Variants in FNIP2 observed in about 807,000 individuals in gnomAD.
FNIP2 encodes folliculin-interacting protein 2.
In FNIP2, 32 loss-of-function variants were observed where a neutral mutation model predicts 108.7. The ratio of observed to expected loss-of-function variants is 0.29; its 90% confidence interval spans 0.22 to 0.40. The LOEUF is 0.40. FNIP2 is among the 10% of genes least tolerant of loss of function. The pLI, the probability that FNIP2 is intolerant of heterozygous loss-of-function variation, is 1.00. For synonymous variants in FNIP2, 480 were observed against 496.7 expected (o/e 0.97, Z 0.45); for missense variants, 1,202 against 1,381.6 (o/e 0.87, Z 2.06).
rs150791838 is a variant in FNIP2, at chr4:158,789,239, C to T, written c.107+19920C>T. On this transcript the variant is annotated intron_variant, in intron 1 of 16. Transcript: ENST00000264433. ...TAGTGAAACACAAAGATCACCTGAT[C>T]CCAAGCTACTTTCACAGCTGAGCTC... Among the ~76,000 whole-genome samples, 188 of 152,274 alleles carry T rather than the reference C, an allele frequency of 1.2e-3. 1 individual carries two copies. The Middle Eastern group carries it at 0.027, about 22-fold the overall frequency.
chr4:158,858,976 T>C, intron 8 of FNIP2, 81 bp from the exon 9 acceptor site: 1 of 1,094,082 alleles, frequency 9.1e-7, no homozygotes, highest in Non-Finnish European at 1.4e-6. Flanking sequence ...ATGTTCTGGG[T>C]GTCATCCCCA....
intron 7 of FNIP2, among the ~76,000 whole-genome samples, chr4:158,850,393 C>G (rs148755910): frequency 1.3e-5 from 2 of 151,950 alleles, no homozygotes; most frequent in South Asian, 2.1e-4. Flanking sequence ...AGATGTTCAT[C>G]AAGCAGCTTG....
chr4:158,868,147 C>T lies in FNIP2; in HGVS notation c.1511C>T (p.Thr504Ile). Reference sequence around the variant, plus strand: ...GGCTCTCCAGTGAGACTGACTCGCACCGTAGTGGTAGGGAAGCAGAAGGAC... The same window carrying T: ...GGCTCTCCAGTGAGACTGACTCGCATCGTAGTGGTAGGGAAGCAGAAGGAC... ...AIGSPVRLTR[T>I]VVVGKQKDLV... is the part of the protein sequence containing the mutation. The change falls in exon 13 of 17, where the codon ACC becomes ATC. Residue 504 changes from threonine (T) to isoleucine (I), a missense_variant. Coordinates refer to ENST00000264433, the MANE Select transcript of FNIP2 (RefSeq NM_020840.3). This position sits in a 1 kb window ranked among gnomAD's most constrained non-coding sequence, Gnocchi z 4.6. The T allele has an allele frequency of 6.2e-7, 1 of 1,614,032 alleles. No individual in the cohort carries two copies. The highest frequency in any genetic ancestry group is 8.5e-7 in the Non-Finnish European group (1 of 1,179,892).
At chr4:158,815,700 T>C (rs1777530656) in intron 1 of FNIP2, among the ~76,000 whole-genome samples, 1 of 152,204 alleles carries the variant, frequency 6.6e-6, no homozygotes, top group Non-Finnish European at 1.5e-5. Context: ...TCAACTAGTA[T>C]TACCAATTCA....
At chr4:158,876,944 G>A (rs977403819) in intron 14 of FNIP2, among the ~76,000 whole-genome samples, 6 of 152,206 alleles carry the variant, frequency 3.9e-5, no homozygotes, top group African/African-American at 1.4e-4. Context: ...TGGGCTTCAT[G>A]TCTCTTGCAT....
At chr4:158,812,587 AT>A (rs1355626369) in intron 1 of FNIP2, among the ~76,000 whole-genome samples, 1 of 152,070 alleles carries the variant, frequency 6.6e-6, no homozygotes, top group African/African-American at 2.4e-5. Context: ...AATTAAAAGA[AT>A]TTTTTCCTTC....
At chr4:158,833,428 C>A (rs1778587756) in intron 5 of FNIP2, 100 bp from the exon 6 acceptor site, 1 of 678,166 alleles carries the variant, frequency 1.5e-6, no homozygotes, top group Non-Finnish European at 2.6e-6. Flanking sequence ...AGTGACTGAT[C>A]AGTCGTTGTC....
At chr4:158,900,963 T>C (rs11945927) in intron 16 of FNIP2, among the ~76,000 whole-genome samples, 2,726 of 152,296 alleles carry the variant, frequency 0.018, 80 homozygotes, top group African/African-American at 0.061. Context: ...GTTTTTGCAG[T>C]GGCTGGTACC....
rs189173487 is a variant in FNIP2 at position 158,887,031 on chromosome 4, G to A, written c.2950-4415G>A. On this transcript the variant is annotated intron_variant, in intron 14 of 16. Transcript: ENST00000264433. ...ATCTCCCTTTTCCTTAAGGTGTATGGGAGGCCAAAGTGAGGCTCACCATGG... is the reference window on the plus strand; with the variant it reads ...ATCTCCCTTTTCCTTAAGGTGTATGAGAGGCCAAAGTGAGGCTCACCATGG... Among the ~76,000 whole-genome samples the A allele has an allele frequency of 3.4e-3, 517 of 152,222 alleles. 2 individuals carry two copies. The highest frequency in any genetic ancestry group is 6.0e-3 in the Non-Finnish European group (411 of 68,012).
At position 158,859,123 on chromosome 4, in the gene FNIP2, G is replaced by A. The variant is rs1780146939; in HGVS notation, c.924G>A (p.Arg308=). The change falls in exon 9 of 17, where the codon AGG becomes AGA. Residue 308 remains arginine, a synonymous_variant. Coordinates refer to ENST00000264433, the MANE Select transcript of FNIP2 (RefSeq NM_020840.3). ...TCSSNPAMVR[R]KKIAISIIFS... ...GCTCTAATCCAGCTATGGTTAGGAG[G>A]AAGAAAATTGCCATAAGCATCATCT... 7 of 1,613,998 alleles carry A rather than the reference G, an allele frequency of 4.3e-6. No homozygotes were observed. Among genetic ancestry groups the A allele is most frequent in the Non-Finnish European group, 5.9e-6 (7 of 1,179,878 alleles).
chr4:158,800,626 G>A (rs1031346042), intron 1 of FNIP2, among the ~76,000 whole-genome samples: 2 of 152,048 alleles, frequency 1.3e-5, no homozygotes, highest in African/African-American at 4.8e-5. Context: ...TAGAAAATTC[G>A]AAAATATAAA....
intron 14 of FNIP2, chr4:158,871,717 C>T (rs1475041365): frequency 2.0e-6 from 2 of 985,290 alleles, no homozygotes; most frequent in African/African-American, 3.5e-5. Flanking sequence ...TGGGATGAAA[C>T]TATGAAGTTG....
Position 158,907,066 on chromosome 4 carries a change from C to CA in FNIP2, c.*2524dup, listed in dbSNP as rs1729905614. On this transcript the variant is annotated 3_prime_UTR_variant, in exon 17 of 17. Transcript: ENST00000264433. ...TAACTTTTGTAGCATCTTGCTTTTC[C>CA]AAGCAAGCTAGTGAGGCATGACAGA... 6.6e-6 allele frequency: 1 copy of CA among 152,116 alleles called. No individual in the cohort carries two copies. Among genetic ancestry groups the CA allele is most frequent in the Non-Finnish European group, 1.5e-5 (1 of 68,030 alleles). The allele number at this position is 152,116 out of a possible 1,614,324, so 9.4% of individuals were successfully genotyped here. A position where few individuals can be genotyped will look rare whatever the true frequency, so the allele number is the denominator to read the frequency against.
rs1780696385 is a variant in FNIP2, at chr4:158,868,213, G to A, written c.1577G>A (p.Arg526His). 3.1e-6 allele frequency: 5 copies of A among 1,614,040 alleles called. No individual in the cohort carries two copies. The highest frequency in any genetic ancestry group is 1.1e-5 in the South Asian group (1 of 91,086). The change falls in exon 13 of 17, where the codon CGT (arginine) becomes CAT (histidine). Residue 526 changes from arginine to histidine, a missense_variant. This residue lies in a region of FNIP2 where 878 missense variants were observed against 990.3 expected (regional missense o/e 0.89). Coordinates refer to ENST00000264433, the MANE Select transcript of FNIP2 (RefSeq NM_020840.3). This position sits in a 1 kb window ranked among gnomAD's most constrained non-coding sequence, Gnocchi z 4.6. ...CTTTATGTCCTGACCTACTTTCTCC[G>A]TTGCTCTGAGCTACAAGAGAACCAG... ...RILYVLTYFL[R>H]CSELQENQLT...
At chr4:158,811,884 AACAAGCCACGCGGGTGTTTG>A (rs1777293401) in intron 1 of FNIP2, among the ~76,000 whole-genome samples, 1 of 152,246 alleles carries the variant, frequency 6.6e-6, no homozygotes, top group South Asian at 2.1e-4. Context: ...CATGTGAGCG[AACAAGCCACGCGGGTGTTTG>A]AGGAAGTACA....
At chr4:158,803,082 G>T (rs745358135) in intron 1 of FNIP2, among the ~76,000 whole-genome samples, 18 of 152,204 alleles carry the variant, frequency 1.2e-4, no homozygotes, top group Non-Finnish European at 2.6e-4. Context: ...GAAAGTAGCA[G>T]TGGTGGCAAC....
chr4:158,860,305 T>C (rs893026246), intron 10 of FNIP2, among the ~76,000 whole-genome samples: 2 of 152,178 alleles, frequency 1.3e-5, no homozygotes, highest in Admixed American at 6.5e-5. Flanking sequence ...TGTTATTCCA[T>C]AGAGGAAGGA....
chr4:158,782,687 A>G (rs1312205632), intron 1 of FNIP2, among the ~76,000 whole-genome samples: 1 of 151,998 alleles, frequency 6.6e-6, no homozygotes, highest in Non-Finnish European at 1.5e-5. Context: ...TTCAGTTCTC[A>G]CGATTGTTGT....
At chr4:158,895,538 A>C (rs1782593488) in intron 15 of FNIP2, among the ~76,000 whole-genome samples, 1 of 152,228 alleles carries the variant, frequency 6.6e-6, no homozygotes, top group Admixed American at 6.5e-5. Flanking sequence ...TGTAAATCTT[A>C]ATAGTTAGCA....
Sources: allele counts gnomAD v4.1 joint callset (sites outside exome capture counted in the v4.1 genomes callset), GRCh38; gene constraint gnomAD v4.1.1; regional missense constraint gnomAD v4.1.1; non-coding constraint Gnocchi (gnomAD v3.1); transcripts MANE v1.5; gene names NCBI Gene and HGNC (gene_info 2026-07-23, HGNC 2026-07-21).